RUNX1: variants seen among roughly 807,000 people sequenced by gnomAD.
The protein encoded by RUNX1 is RUNX family transcription factor 1, also known as runt-related transcription factor 1.
In RUNX1, 19 loss-of-function variants were observed where a neutral mutation model predicts 42.8. That is an observed-to-expected ratio of 0.44 (90% CI 0.31 to 0.65). The LOEUF is 0.65. Among genes scored for constraint, RUNX1 ranks in the 30% least tolerant of loss-of-function variants. The pLI, the probability that RUNX1 is intolerant of heterozygous loss-of-function variation, is 0.07. For synonymous variants in RUNX1, 271 were observed against 289.4 expected (o/e 0.94, Z 0.64); for missense variants, 528 against 672.0 (o/e 0.79, Z 2.37).
intron 2 of RUNX1, among the ~76,000 whole-genome samples, chr21:34,909,592 A>AAAAAAAAAAAAAAAAAAAAAAAAAT: frequency 6.7e-6 from 1 of 149,734 alleles, no homozygotes; most frequent in African/African-American, 2.5e-5. Context: ...GTTCCTCAAA[A>AAAAAAAAAAAAAAAAAAAAAAAAAT]AAAAAAAAAA....
chr21:34,981,133 C>G (rs2058843410), intron 2 of RUNX1, among the ~76,000 whole-genome samples: 1 of 152,176 alleles, frequency 6.6e-6, no homozygotes, highest in East Asian at 1.9e-4. Context: ...AGATCAACAA[C>G]AGCTGAGGGT....
chr21:34,898,171 C>T (rs1282989617), intron 2 of RUNX1, among the ~76,000 whole-genome samples: 2 of 152,274 alleles, frequency 1.3e-5, no homozygotes, highest in East Asian at 3.9e-4. Context: ...CCTGCATGAG[C>T]TTGGAGGTGA....
At chr21:35,036,468 T>A (rs2059309140) in intron 2 of RUNX1, among the ~76,000 whole-genome samples, 1 of 152,120 alleles carries the variant, frequency 6.6e-6, no homozygotes, top group African/African-American at 2.4e-5. Flanking sequence ...TCCTTCAGCA[T>A]GCCGAACCCC....
intron 2 of RUNX1, among the ~76,000 whole-genome samples, chr21:35,013,226 T>A (rs548582755): frequency 6.6e-6 from 1 of 152,364 alleles, no homozygotes; most frequent in Non-Finnish European, 1.5e-5. Flanking sequence ...ATTGGGGGTC[T>A]ATAGATTTAG....
chr21:35,038,877 T>C (rs1003881885), intron 2 of RUNX1: 5 of 375,662 alleles, frequency 1.3e-5, no homozygotes, highest in African/African-American at 8.4e-5. Context: ...TTGGCTGTTG[T>C]GGTGGTTCAA....
rs184419785 is a variant in RUNX1, at chr21:34,841,900, T to C, written c.614-7299A>G. Among the ~76,000 whole-genome samples the C allele has an allele frequency of 5.8e-4, 88 of 152,318 alleles. No homozygotes were observed. The South Asian group carries it at 0.016, about 28-fold the overall frequency. ...GTTATCCAGGGTCTGTCTGCACCCATGGGACTGTAAAGTCTACAAAGACAG... is the reference window on the plus strand; with the variant it reads ...GTTATCCAGGGTCTGTCTGCACCCACGGGACTGTAAAGTCTACAAAGACAG... On this transcript the variant is annotated intron_variant, in intron 6 of 8. Transcript: ENST00000675419.
intron 2 of RUNX1, among the ~76,000 whole-genome samples, chr21:34,903,531 C>T (rs76121245): frequency 0.015 from 2,248 of 152,102 alleles, 57 homozygotes; most frequent in African/African-American, 0.052. Flanking sequence ...TTTTGGGTGC[C>T]GAATCACCTA....
rs1569110430 is a variant in RUNX1 at position 34,930,297 on chromosome 21, A to ATATATATATATGT, written c.59-37335_59-37334insACATATATATATA. Among the ~76,000 whole-genome samples, 23 of 131,042 alleles carry ATATATATATATGT rather than the reference A, an allele frequency of 1.8e-4. 1 individual carries two copies. The highest frequency in any genetic ancestry group is 8.0e-4 in the African/African-American group (22 of 27,652). The allele number at this position is 131,042 out of a possible 152,430, so 86.0% of individuals were successfully genotyped here. ...ATATATATATATATATATATAAATA[A>ATATATATATATGT]ATAAATAAAATTTTACAACTAACAT... On this transcript the variant is annotated intron_variant, in intron 2 of 8. Transcript: ENST00000675419.
intron 2 of RUNX1, among the ~76,000 whole-genome samples, chr21:35,044,586 A>G (rs1023602756): frequency 7.2e-5 from 11 of 152,200 alleles, no homozygotes; most frequent in African/African-American, 2.7e-4. Context: ...GAAAAGAAAG[A>G]AAAGGCCATC....
intron 2 of RUNX1, among the ~76,000 whole-genome samples, chr21:35,016,688 T>C (rs1017858920): frequency 1.2e-4 from 18 of 152,180 alleles, no homozygotes; most frequent in Admixed American, 1.1e-3. Flanking sequence ...GATACCCCAT[T>C]TCTGGGGCCT....
rs1601686193 is a variant in RUNX1, at chr21:35,025,613, T to C, written c.58+23229A>G. On this transcript the variant is annotated intron_variant, in intron 2 of 8. Transcript: ENST00000675419. The stretch of plus-strand genomic sequence containing the variant: ...TTGAGTTATTCATTATTAGGGTCTA[T>C]ACATGAGTAGCCAAAATATACGGGT... Among the ~76,000 whole-genome samples the C allele has an allele frequency of 2.6e-5, 4 of 152,192 alleles. No homozygotes were observed. In the South Asian group the frequency reaches 8.3e-4, roughly 32 times the overall value.
intron 2 of RUNX1, among the ~76,000 whole-genome samples, chr21:34,963,727 G>A (rs572942408): frequency 6.6e-6 from 1 of 152,132 alleles, no homozygotes; most frequent in Non-Finnish European, 1.5e-5. Context: ...GGATTTTGAC[G>A]GTGAATCAAT....
At chr21:35,041,632 A>T (rs2059359642) in intron 2 of RUNX1, among the ~76,000 whole-genome samples, 1 of 151,106 alleles carries the variant, frequency 6.6e-6, no homozygotes, top group South Asian at 2.1e-4. Context: ...CTTTTCATTC[A>T]TCCTTTCTTT....
chr21:34,838,891 C>G (rs34835411), intron 6 of RUNX1, among the ~76,000 whole-genome samples: 67,232 of 151,190 alleles, frequency 0.44, 18,426 homozygotes, highest in Non-Finnish European at 0.6. Context: ...TATTATTTAC[C>G]ATACCACATG....
intron 8 of RUNX1, among the ~76,000 whole-genome samples, chr21:34,794,007 A>G (rs985437386): frequency 3.9e-5 from 6 of 152,064 alleles, no homozygotes; most frequent in African/African-American, 1.4e-4. Flanking sequence ...CCCAGCCCTA[A>G]AATATTTATT....
chr21:34,981,211 G>A (rs1005399917), intron 2 of RUNX1, among the ~76,000 whole-genome samples: 2 of 152,154 alleles, frequency 1.3e-5, no homozygotes, highest in Non-Finnish European at 2.9e-5. Flanking sequence ...TAACTTCCAC[G>A]CCAATCTGAT....
chr21:35,019,519 T>C (rs531064149), intron 2 of RUNX1, among the ~76,000 whole-genome samples: 12 of 152,298 alleles, frequency 7.9e-5, no homozygotes, highest in South Asian at 6.2e-4. Context: ...AACAACCTCA[T>C]AGAAAATGCT....
chr21:35,048,713 T>C, intron 2 of RUNX1, 129 bp downstream of exon 2: 1 of 800,656 alleles, frequency 1.2e-6, no homozygotes, highest in Non-Finnish European at 2.3e-6. Flanking sequence ...TCAGTTTGAA[T>C]TCCTCTCACA....
chr21:35,039,240 C>T (rs2059340298), intron 2 of RUNX1, among the ~76,000 whole-genome samples: 1 of 152,076 alleles, frequency 6.6e-6, no homozygotes, highest in South Asian at 2.1e-4. Context: ...TGGAATCCAC[C>T]TCATAAATTC....
Sources: allele counts gnomAD v4.1 joint callset (sites outside exome capture counted in the v4.1 genomes callset), GRCh38; gene constraint gnomAD v4.1.1; transcripts MANE v1.5; gene names NCBI Gene and HGNC (gene_info 2026-07-23, HGNC 2026-07-21).